DOCK3: variants seen among roughly 807,000 people sequenced by gnomAD.
The protein encoded by DOCK3 is dedicator of cytokinesis 3.
Under a neutral mutation model 265.6 loss-of-function variants are expected in DOCK3, and 60 were observed. That is an observed-to-expected ratio of 0.23 (90% CI 0.18 to 0.28). The LOEUF (loss-of-function observed/expected upper bound fraction) is 0.28. Among genes scored for constraint, DOCK3 ranks in the 10% least tolerant of loss-of-function variants. DOCK3 has a pLI of 1.00. For synonymous variants in DOCK3, 881 were observed against 938.0 expected (o/e 0.94, Z 1.11); for missense variants, 1,981 against 2,594.3 (o/e 0.76, Z 5.14).
intron 32 of DOCK3, among the ~76,000 whole-genome samples, chr3:51,326,583 TTTGTTG>T (rs148344271): frequency 0.35 from 49,324 of 139,496 alleles, 9,043 homozygotes; most frequent in South Asian, 0.51. Context: ...CCTGGCATGT[TTTGTTG>T]TTGTTGTTGT....
chr3:51,167,043 A>G (rs955569646), intron 12 of DOCK3, among the ~76,000 whole-genome samples: 1 of 152,142 alleles, frequency 6.6e-6, no homozygotes, highest in Non-Finnish European at 1.5e-5. Context: ...CTAAGACCCA[A>G]TGTCAAGGAG....
At position 50,925,926 on chromosome 3, in the gene DOCK3, G is replaced by T. The variant is rs548459778; in HGVS notation, c.219-8055G>T. ...GGCTTACTGCTACCTCTGCCTCCCGGGTTCAAGTGATTCTCCTGCCTCAGC... is the reference window on the plus strand; with the variant it reads ...GGCTTACTGCTACCTCTGCCTCCCGTGTTCAAGTGATTCTCCTGCCTCAGC... On this transcript the variant is annotated intron_variant, in intron 4 of 52. Transcript: ENST00000266037. 5.3e-5 allele frequency among the ~76,000 whole-genome samples: 8 copies of T among 149,998 alleles called. No individual in the cohort carries two copies. The South Asian group carries it at 1.7e-3, about 32-fold the overall frequency.
intron 1 of DOCK3, among the ~76,000 whole-genome samples, chr3:50,694,583 C>T (rs1294919976): frequency 6.6e-6 from 1 of 152,126 alleles, no homozygotes; most frequent in Non-Finnish European, 1.5e-5. Flanking sequence ...CCAAAGCGGG[C>T]AGATCACTTA....
chr3:50,776,395 T>C (rs2041602628), intron 1 of DOCK3, among the ~76,000 whole-genome samples: 1 of 152,094 alleles, frequency 6.6e-6, no homozygotes, highest in African/African-American at 2.4e-5. Flanking sequence ...CTTTTGAGAA[T>C]TGCCTATTCA....
chr3:50,738,069 C>T (rs1237691553), intron 1 of DOCK3, among the ~76,000 whole-genome samples: 3 of 152,120 alleles, frequency 2.0e-5, no homozygotes, highest in Non-Finnish European at 4.4e-5. Context: ...AGTCATTCTG[C>T]CTGGAGATTA....
At position 50,839,698 on chromosome 3, in the gene DOCK3, CCTCCCCTCCCCTCCCCTCCT is replaced by C. The variant is rs1354511455; in HGVS notation, c.122-1957_122-1938del. On this transcript the variant is annotated intron_variant, in intron 2 of 52. Transcript: ENST00000266037. The stretch of plus-strand genomic sequence containing the variant: ...ATTTTTTAATTGGGCTGTTTTCTCC[CCTCCCCTCCCCTCCCCTCCT>C]CTCCCCTCCCCTCCCCTCCCCTCCC... Among the ~76,000 whole-genome samples, 18 of 40,794 alleles carry C rather than the reference CCTCCCCTCCCCTCCCCTCCT, an allele frequency of 4.4e-4. No individual in the cohort carries two copies. In the East Asian group the frequency reaches 7.0e-3, roughly 16 times the overall value. The allele number at this position is 40,794 out of a possible 152,430, so 26.8% of individuals were successfully genotyped here.
At chr3:50,900,660 G>A (rs889282231) in intron 4 of DOCK3, 2 of 449,776 alleles carry the variant, frequency 4.4e-6, no homozygotes, top group Admixed American at 2.4e-5. Context: ...TGGGGTTTCT[G>A]TATGGACCTC....
At position 51,276,459 on chromosome 3, in the gene DOCK3, G is replaced by A. The variant is rs911178306; in HGVS notation, c.2677-1149G>A. 1.7e-5 allele frequency: 17 copies of A among 984,856 alleles called. No homozygotes were observed. The African/African-American group carries it at 2.8e-4, about 16-fold the overall frequency. 61.0% of individuals were successfully genotyped at this position (984,856 alleles called of 1,614,324 possible). A position where few individuals can be genotyped will look rare whatever the true frequency, so the allele number is the denominator to read the frequency against. On this transcript the variant is annotated intron_variant, in intron 25 of 52. Transcript: ENST00000266037. ...AGTGGGAACCAGTAAAAACTTGGAG[G>A]TGACGGTTTGGTTGTGTTTGTGGGG...
intron 2 of DOCK3, among the ~76,000 whole-genome samples, chr3:50,814,172 T>A (rs1056589639): frequency 1.3e-5 from 2 of 152,210 alleles, no homozygotes; most frequent in Non-Finnish European, 2.9e-5. Context: ...AGATAGTATA[T>A]AGTTCCTGAA....
Position 50,771,846 on chromosome 3 carries a change from A to G in DOCK3, c.38-6829A>G, listed in dbSNP as rs147009213. On this transcript the variant is annotated intron_variant, in intron 1 of 52. Coordinates refer to ENST00000266037, the MANE Select transcript of DOCK3 (RefSeq NM_004947.5). ...AGCCTGGGCGACAGAGCGAGACTCC[A>G]TCTCAAAAACAAAAACAAAAACAAA... Among the ~76,000 whole-genome samples the G allele has an allele frequency of 7.3e-3, 1,112 of 152,290 alleles. 7 individuals carry two copies. Among genetic ancestry groups the G allele is most frequent in the African/African-American group, 0.01 (427 of 41,558 alleles).
At chr3:51,366,428 C>CA (rs943903974) in intron 49 of DOCK3, among the ~76,000 whole-genome samples, 4 of 151,360 alleles carry the variant, frequency 2.6e-5, no homozygotes, top group African/African-American at 7.3e-5. Flanking sequence ...TTTATCTTTT[C>CA]AAAAAAAACC....
In DOCK3 at chr3:51,275,414, C is replaced by A. The variant is rs183344855; in HGVS notation, c.2676+208C>A. On this transcript the variant is annotated intron_variant, in intron 25 of 52. Coordinates refer to ENST00000266037, the MANE Select transcript of DOCK3 (RefSeq NM_004947.5). The stretch of plus-strand genomic sequence containing the variant: ...ACATTCTTGCTATTTTTAAAGGTTG[C>A]ACTACCATAAATCTACCCAGAAATA... Among the ~76,000 whole-genome samples, 3 of 152,296 alleles carry A rather than the reference C, an allele frequency of 2.0e-5. No individual in the cohort carries two copies. The East Asian group carries it at 5.8e-4, about 29-fold the overall frequency.
intron 4 of DOCK3, among the ~76,000 whole-genome samples, chr3:50,906,887 G>T (rs1230586783): frequency 6.6e-6 from 1 of 151,984 alleles, no homozygotes; most frequent in East Asian, 1.9e-4. Flanking sequence ...TCTTTTGTGG[G>T]CATTTAGTGC....
At chr3:51,312,216 C>A in intron 29 of DOCK3, 137 bp downstream of exon 29, 1 of 821,712 alleles carries the variant, frequency 1.2e-6, no homozygotes. Flanking sequence ...TAGAATATGA[C>A]CTGGGATACC....
At chr3:51,262,071 A>G (rs972158674) in intron 23 of DOCK3, among the ~76,000 whole-genome samples, 1 of 152,196 alleles carries the variant, frequency 6.6e-6, no homozygotes, top group African/African-American at 2.4e-5. Flanking sequence ...CTGCTAAGGG[A>G]CAGACTGTCT....
chr3:51,278,668 A>C (rs1317638051), intron 26 of DOCK3: 1 of 558,016 alleles, frequency 1.8e-6, no homozygotes, highest in Non-Finnish European at 2.3e-6. Flanking sequence ...CAGCCTTCTA[A>C]CCAACACTTA....
intron 12 of DOCK3, among the ~76,000 whole-genome samples, chr3:51,189,733 T>C (rs1248556122): frequency 6.6e-6 from 1 of 152,238 alleles, no homozygotes; most frequent in Non-Finnish European, 1.5e-5. Context: ...CATATGCAAG[T>C]GTCTTTTTGG....
chr3:51,255,387 G>C (rs940782093), intron 22 of DOCK3, among the ~76,000 whole-genome samples: 2 of 152,148 alleles, frequency 1.3e-5, no homozygotes, highest in Non-Finnish European at 2.9e-5. Flanking sequence ...GGTGTTCTCT[G>C]TGTTTCCTGA....
At chr3:50,885,815 G>T (rs1000603517) in intron 3 of DOCK3, among the ~76,000 whole-genome samples, 2 of 152,086 alleles carry the variant, frequency 1.3e-5, no homozygotes, top group Non-Finnish European at 2.9e-5. Flanking sequence ...CTGCCTGATG[G>T]TGGTGAAAGT....
Sources: allele counts gnomAD v4.1 joint callset (sites outside exome capture counted in the v4.1 genomes callset), GRCh38; gene constraint gnomAD v4.1.1; transcripts MANE v1.5; gene names NCBI Gene and HGNC (gene_info 2026-07-23, HGNC 2026-07-21).